RNF220: variants seen among roughly 807,000 people sequenced by gnomAD.
The protein encoded by RNF220 is ring finger protein 220.
Under a neutral mutation model 67.1 loss-of-function variants are expected in RNF220, and 7 were observed. That is an observed-to-expected ratio of 0.10 (90% CI 0.06 to 0.20). The LOEUF is 0.20. Among genes scored for constraint, RNF220 ranks in the 10% least tolerant of loss-of-function variants. The pLI is 1.00. For missense variants in RNF220, 565 were observed against 740.3 expected (o/e 0.76, Z 2.75); for synonymous variants, 270 against 283.2 (o/e 0.95, Z 0.47).
intron 2 of RNF220, among the ~76,000 whole-genome samples, chr1:44,564,821 T>C (rs1457408071): frequency 6.6e-6 from 1 of 151,918 alleles, no homozygotes; most frequent in Non-Finnish European, 1.5e-5. Flanking sequence ...TAATCTGTTC[T>C]CCACAACACA....
intron 2 of RNF220, among the ~76,000 whole-genome samples, chr1:44,518,249 G>T (rs1432022945): frequency 6.6e-6 from 1 of 151,966 alleles, no homozygotes; most frequent in African/African-American, 2.4e-5. Flanking sequence ...AACATAACAA[G>T]ACCCCATCTC....
chr1:44,440,143 A>G (rs1651402423), intron 2 of RNF220, among the ~76,000 whole-genome samples: 1 of 152,228 alleles, frequency 6.6e-6, no homozygotes, highest in Non-Finnish European at 1.5e-5. Flanking sequence ...ATTTACATCT[A>G]AATTAATTAA....
At chr1:44,414,068 A>C (rs1648281457) in intron 2 of RNF220, among the ~76,000 whole-genome samples, 1 of 152,218 alleles carries the variant, frequency 6.6e-6, no homozygotes, top group East Asian at 1.9e-4. Flanking sequence ...TCCCCACTTA[A>C]GGGAGAAGGC....
At chr1:44,642,703 T>C (rs181898591) in intron 8 of RNF220, among the ~76,000 whole-genome samples, 1 of 152,278 alleles carries the variant, frequency 6.6e-6, no homozygotes, top group Admixed American at 6.5e-5. Flanking sequence ...CCTGGCAGCT[T>C]TGGGGTACCC....
chr1:44,645,130 C>T lies in RNF220; in HGVS notation c.1310+49C>T. 1 of 1,612,950 alleles carries T rather than the reference C, an allele frequency of 6.2e-7. No homozygotes were observed. Among genetic ancestry groups the T allele is most frequent in the Non-Finnish European group, 8.5e-7 (1 of 1,178,968 alleles). On this transcript the variant is annotated intron_variant, in intron 10 of 14. Transcript: ENST00000361799. The surrounding 1 kb of genome is among the most constrained non-coding windows in gnomAD (Gnocchi z 5.0). ...CGGGTGGAGCAGAGAAACAGGAAGC[C>T]CTGAGGCAGGGGTTAACGCAGTACT...
rs775411649 is a variant in RNF220 at position 44,412,481 on chromosome 1, C to G, written c.384C>G (p.Asp128Glu). The part of the protein sequence containing the change: ...GAFRPFASTE[D>E]RESYQSAFTP... ...TCCGGCCCTTTGCCTCCACCGAGGA[C>G]CGGGAGAGCTATCAGTCAGCCTTTA... The change falls in exon 2 of 15, where the codon GAC becomes GAG. Residue 128 changes from aspartate to glutamate, a missense_variant. Asp to Glu is a conservative substitution (Grantham distance 45). Coordinates refer to ENST00000361799, the MANE Select transcript of RNF220 (RefSeq NM_018150.4). The surrounding 1 kb of genome is among the most constrained non-coding windows in gnomAD (Gnocchi z 5.3). The G allele has an allele frequency of 6.2e-7, 1 of 1,611,520 alleles. No homozygotes were observed. The highest frequency in any genetic ancestry group is 2.2e-5 in the East Asian group (1 of 44,820).
intron 2 of RNF220, among the ~76,000 whole-genome samples, chr1:44,546,926 A>G (rs558214303): frequency 2.0e-5 from 3 of 152,114 alleles, no homozygotes; most frequent in Admixed American, 6.5e-5. Context: ...CCAGAGTCAT[A>G]CCCCTCAAGG....
intron 2 of RNF220, among the ~76,000 whole-genome samples, chr1:44,611,591 C>G (rs956555831): frequency 1.3e-5 from 2 of 152,218 alleles, no homozygotes; most frequent in African/African-American, 4.8e-5. Context: ...CTTACTCACT[C>G]CTCGTGCCTC....
intron 2 of RNF220, among the ~76,000 whole-genome samples, chr1:44,599,885 G>A (rs34197853): frequency 0.08 from 12,117 of 152,196 alleles, 549 homozygotes; most frequent in Non-Finnish European, 0.1. Flanking sequence ...GCAGCTGAAT[G>A]ATAGGATCTG....
At chr1:44,583,617 C>T (rs1163750139) in intron 2 of RNF220, among the ~76,000 whole-genome samples, 1 of 152,210 alleles carries the variant, frequency 6.6e-6, no homozygotes, top group African/African-American at 2.4e-5. Flanking sequence ...AATCAAAGAA[C>T]ATCACTTCTG....
intron 2 of RNF220, among the ~76,000 whole-genome samples, chr1:44,594,625 G>T (rs542075453): frequency 4.8e-4 from 69 of 144,024 alleles, no homozygotes; most frequent in Non-Finnish European, 7.9e-4. Flanking sequence ...CACCGCCCTG[G>T]CTCAGGCTGG....
chr1:44,554,886 A>C (rs1174785834), intron 2 of RNF220, among the ~76,000 whole-genome samples: 1 of 152,018 alleles, frequency 6.6e-6, no homozygotes, highest in African/African-American at 2.4e-5. Flanking sequence ...CCCTCCTCTT[A>C]GATTTTTGCA....
chr1:44,570,123 G>A (rs977151542), intron 2 of RNF220, among the ~76,000 whole-genome samples: 1 of 152,158 alleles, frequency 6.6e-6, no homozygotes, highest in Non-Finnish European at 1.5e-5. Flanking sequence ...ATGGGGAGGA[G>A]AGCTGAGCGA....
At chr1:44,509,123 C>T (rs1485188522) in intron 2 of RNF220, among the ~76,000 whole-genome samples, 1 of 152,176 alleles carries the variant, frequency 6.6e-6, no homozygotes, top group South Asian at 2.1e-4. Context: ...CAGACAGTCC[C>T]ATTTACGGGT....
chr1:44,511,380 G>C lies in RNF220; in HGVS notation c.625+98658G>C, dbSNP rs115417369. ...ATAAATATGTTTAGCAATATATTGA[G>C]GGTGAGGGGAAAGGAAAGGTGGGGG... On this transcript the variant is annotated intron_variant, in intron 2 of 14. Transcript: ENST00000361799. 2.8e-3 allele frequency among the ~76,000 whole-genome samples: 424 copies of C among 152,270 alleles called. 1 individual carries two copies. The highest frequency in any genetic ancestry group is 9.6e-3 in the African/African-American group (399 of 41,530).
chr1:44,450,030 A>G (rs1652506924), intron 2 of RNF220, among the ~76,000 whole-genome samples: 1 of 152,082 alleles, frequency 6.6e-6, no homozygotes, highest in African/African-American at 2.4e-5. Flanking sequence ...TGACCAACAG[A>G]GAGACCCTGT....
chr1:44,405,445 G>C lies in RNF220; in HGVS notation c.-203G>C. The C allele has an allele frequency of 1.6e-6, 1 of 611,044 alleles. No individual in the cohort carries two copies. The highest frequency in any genetic ancestry group is 2.9e-6 in the Non-Finnish European group (1 of 340,300). 37.9% of individuals were successfully genotyped at this position (611,044 alleles called of 1,614,324 possible). ...CTGCCTCCGCCGGCTCTGCGAACCC[G>C]GGACTTTTCATGCACCACACTCTCC... On this transcript the variant is annotated 5_prime_UTR_variant, in exon 1 of 15. Transcript: ENST00000361799.
intron 8 of RNF220, among the ~76,000 whole-genome samples, chr1:44,638,052 G>T (rs377687902): frequency 2.0e-5 from 3 of 152,220 alleles, no homozygotes; most frequent in Non-Finnish European, 4.4e-5. Flanking sequence ...CAGTGGGGGG[G>T]CTATCAAAGG....
chr1:44,590,089 C>T (rs72671903), intron 2 of RNF220, among the ~76,000 whole-genome samples: 27,059 of 152,120 alleles, frequency 0.18, 2,998 homozygotes, highest in Middle Eastern at 0.29. Context: ...TGTGGCAGTG[C>T]GGATGCTGGC....
Sources: gnomAD v4.1 joint callset for allele counts (sites outside exome capture counted in the v4.1 genomes callset) on GRCh38, gnomAD v4.1.1 for gene constraint, Gnocchi (gnomAD v3.1) non-coding constraint, MANE v1.5 for transcripts, NCBI Gene and HGNC (gene_info 2026-07-23, HGNC 2026-07-21) for gene names.